Variants in BPTF observed in about 807,000 individuals in gnomAD.
BPTF encodes the protein nucleosome-remodeling factor subunit BPTF.
In BPTF, 18 loss-of-function variants were observed where a neutral mutation model predicts 292.5. The ratio of observed to expected loss-of-function variants is 0.06; its 90% confidence interval spans 0.04 to 0.09. BPTF has a LOEUF of 0.09. Ranked by LOEUF, BPTF falls within the 10% of genes least tolerant of loss-of-function variation. The probability of loss-of-function intolerance (pLI) is 1.00; values close to 1 mark genes in which losing one functional copy is unlikely to be tolerated. For synonymous variants in BPTF, 1,225 were observed against 1,251.9 expected (o/e 0.98, Z 0.45); for missense variants, 2,726 against 3,498.7 (o/e 0.78, Z 5.57).
chr17:67,916,729 G>GCA (rs937025772), intron 11 of BPTF, among the ~76,000 whole-genome samples: 2 of 141,212 alleles, frequency 1.4e-5, no homozygotes, highest in Non-Finnish European at 3.0e-5. Context: ...TTGCTCCACT[G>GCA]CACTCCAGCC....
At chr17:67,884,974 G>A (rs548916755) in intron 4 of BPTF, among the ~76,000 whole-genome samples, 2 of 151,926 alleles carry the variant, frequency 1.3e-5, no homozygotes, top group South Asian at 4.2e-4. Flanking sequence ...GTTTGAATTG[G>A]GCATATTTCC....
chr17:67,933,289 G>A (rs1261084256), intron 18 of BPTF, among the ~76,000 whole-genome samples: 1 of 151,872 alleles, frequency 6.6e-6, no homozygotes, highest in Non-Finnish European at 1.5e-5. Context: ...AAAGATCATG[G>A]CCAGGCACAG....
chr17:67,953,047 G>A (rs758056681), intron 23 of BPTF, among the ~76,000 whole-genome samples: 3 of 148,850 alleles, frequency 2.0e-5, no homozygotes, highest in Non-Finnish European at 4.5e-5. Flanking sequence ...TGCAAGCTCC[G>A]TCTCCCCGGG....
At chr17:67,976,714 A>AAAAAG (rs1555694156) in intron 27 of BPTF, among the ~76,000 whole-genome samples, 79 of 116,532 alleles carry the variant, frequency 6.8e-4, no homozygotes, top group East Asian at 2.7e-3. Flanking sequence ...AAAAAAAAAA[A>AAAAAG]ATAAGAATAA....
intron 27 of BPTF, among the ~76,000 whole-genome samples, chr17:67,976,311 A>G (rs2069409968): frequency 6.6e-6 from 1 of 152,216 alleles, no homozygotes; most frequent in African/African-American, 2.4e-5. Flanking sequence ...CGTCTCTACC[A>G]AAAATACAAA....
intron 1 of BPTF, among the ~76,000 whole-genome samples, chr17:67,828,783 C>T (rs183206854): frequency 6.6e-5 from 10 of 152,356 alleles, no homozygotes; most frequent in African/African-American, 2.4e-4. Flanking sequence ...CTGCCTCAGC[C>T]TCCCAAAGTG....
At chr17:67,909,517 C>A in intron 9 of BPTF, 65 bp from the exon 10 acceptor site, 2 of 988,306 alleles carry the variant, frequency 2.0e-6, no homozygotes, top group South Asian at 2.8e-5. Flanking sequence ...TTTCACTAAA[C>A]TTGACATATT....
chr17:67,886,816 A>AT (rs200521302), intron 4 of BPTF, among the ~76,000 whole-genome samples: 3 of 151,308 alleles, frequency 2.0e-5, no homozygotes, highest in African/African-American at 4.9e-5. Flanking sequence ...AATTGAATTC[A>AT]TTTTTTTTTA....
rs782589989 is a variant in BPTF at position 67,948,139 on chromosome 17, A to G, written c.7759A>G (p.Lys2587Glu). ...TTTGGATAAGATAGATAAAGAAGAA[A>G]AACAGGCAGCAAAAAAACGGAAGCG... ...YILDKIDKEEKQAAKKRKREE... is the reference protein window; with the variant it reads ...YILDKIDKEEEQAAKKRKREE... The change falls in exon 23 of 28, where the codon AAA (lysine) becomes GAA (glutamate). Residue 2587 changes from lysine (K) to glutamate (E), a missense_variant. By Grantham distance (56) the Lys-to-Glu change is moderately conservative (BLOSUM62 1). This residue lies in a region of BPTF where 26 missense variants were observed against 60.6 expected (regional missense o/e 0.43). Coordinates refer to ENST00000306378, the MANE Select transcript of BPTF (RefSeq NM_182641.4). 2 of 1,614,228 alleles carry G rather than the reference A, an allele frequency of 1.2e-6. No homozygotes were observed. The highest frequency in any genetic ancestry group is 2.2e-5 in the South Asian group (2 of 91,090).
chr17:67,841,887 T>G (rs1487222204), intron 1 of BPTF, among the ~76,000 whole-genome samples: 2 of 152,164 alleles, frequency 1.3e-5, no homozygotes, highest in African/African-American at 4.8e-5. Context: ...TCTGTTTCTT[T>G]TTTCTGCCTA....
At chr17:67,875,894 C>A in intron 4 of BPTF, 1 of 593,078 alleles carries the variant, frequency 1.7e-6, no homozygotes, top group Non-Finnish European at 2.5e-6. Context: ...TGTCACCTAA[C>A]ATTTGGAGTT....
At chr17:67,923,055 A>ATT in intron 14 of BPTF, 65 bp downstream of exon 14, 1 of 1,370,062 alleles carries the variant, frequency 7.3e-7, no homozygotes, top group African/African-American at 1.6e-5. Context: ...TCAATAAATT[A>ATT]CTTTTTTTTT....
intron 2 of BPTF, among the ~76,000 whole-genome samples, chr17:67,858,139 A>T (rs554744467): frequency 3.3e-5 from 5 of 152,298 alleles, no homozygotes; most frequent in African/African-American, 1.2e-4. Context: ...AACAAAATGA[A>T]ATCTGTCACC....
At chr17:67,891,810 T>A in intron 4 of BPTF, 34 bp from the exon 5 acceptor site, 1 of 1,487,672 alleles carries the variant, frequency 6.7e-7, no homozygotes, top group Non-Finnish European at 9.0e-7. Flanking sequence ...TTACTTATTG[T>A]CAGCAATTGC....
chr17:67,924,687 TG>T (rs2063725417), intron 15 of BPTF, 98 bp downstream of exon 15: 1 of 1,338,648 alleles, frequency 7.5e-7, no homozygotes, highest in Non-Finnish European at 1.0e-6. Flanking sequence ...GAGTTGGTGC[TG>T]GTCCCACTTG....
At chr17:67,861,297 C>CT (rs1197424357) in intron 2 of BPTF, among the ~76,000 whole-genome samples, 1 of 151,938 alleles carries the variant, frequency 6.6e-6, no homozygotes, top group African/African-American at 2.4e-5. Flanking sequence ...TCAGTCACCC[C>CT]TAAAGTAGTG....
chr17:67,978,486 A>G (rs1488004857), intron 27 of BPTF, among the ~76,000 whole-genome samples: 3 of 150,752 alleles, frequency 2.0e-5, no homozygotes, highest in Non-Finnish European at 4.4e-5. Flanking sequence ...TTTAGTAGAG[A>G]CGGGGTTTCA....
intron 1 of BPTF, among the ~76,000 whole-genome samples, chr17:67,832,965 T>A (rs1165361749): frequency 1.6e-5 from 2 of 127,054 alleles, no homozygotes; most frequent in Admixed American, 7.3e-5. Flanking sequence ...TTTTTTGTAT[T>A]TTTTTTTTTT....
intron 27 of BPTF, chr17:67,981,803 G>C: frequency 1.1e-6 from 1 of 902,834 alleles, no homozygotes; most frequent in Non-Finnish European, 1.3e-6. Context: ...GTGATTTTAA[G>C]ATTGCTTTTT....
Sources: gnomAD v4.1 joint callset for allele counts (sites outside exome capture counted in the v4.1 genomes callset) on GRCh38, gnomAD v4.1.1 for gene constraint, gnomAD v4.1.1 regional missense constraint, MANE v1.5 for transcripts, NCBI Gene and HGNC (gene_info 2026-07-23, HGNC 2026-07-21) for gene names.